PDE1C: variants seen among roughly 807,000 people sequenced by gnomAD.
PDE1C encodes the protein dual specificity calcium/calmodulin-dependent 3',5'-cyclic nucleotide phosphodiesterase 1C.
PDE1C carries 62 observed loss-of-function variants against 93.1 expected under a neutral mutation model. The ratio of observed to expected loss-of-function variants is 0.67; its 90% CI spans 0.54 to 0.82. The LOEUF (loss-of-function observed/expected upper bound fraction) is 0.82, where lower values mean the gene tolerates loss of function less well. Ranked by LOEUF, PDE1C falls within the 40% of genes least tolerant of loss-of-function variation. The pLI is 0.00. For missense variants in PDE1C, 742 were observed against 884.6 expected (o/e 0.84, Z 2.04); for synonymous variants, 325 against 310.1 (o/e 1.05, Z -0.50).
chr7:32,202,836 G>A (rs756050868), intron 2 of PDE1C, among the ~76,000 whole-genome samples: 10 of 152,030 alleles, frequency 6.6e-5, no homozygotes, highest in Admixed American at 6.5e-5. Context: ...GGTTTTTGTG[G>A]TATGAAAACT....
the PDE1C span, chr7:31,692,651 C>T: frequency 1.3e-6 from 1 of 765,636 alleles, no homozygotes; most frequent in Non-Finnish European, 2.2e-6. Context: ...CTTCTGGTGA[C>T]AGCCAACACC....
At chr7:31,982,282 C>T (rs1358286000) in intron 2 of PDE1C, among the ~76,000 whole-genome samples, 1 of 152,150 alleles carries the variant, frequency 6.6e-6, no homozygotes. Flanking sequence ...TTCTCTTTCT[C>T]AACAAGCACA....
chr7:31,962,793 C>A (rs73094600), intron 2 of PDE1C, among the ~76,000 whole-genome samples: 7,069 of 151,504 alleles, frequency 0.047, 215 homozygotes, highest in Non-Finnish European at 0.069. Context: ...ACATCTAAGG[C>A]CCCTCCATCT....
chr7:32,218,129 A>G (rs1806561676), intron 1 of PDE1C, among the ~76,000 whole-genome samples: 1 of 152,196 alleles, frequency 6.6e-6, no homozygotes, highest in Admixed American at 6.5e-5. Flanking sequence ...GCATCAAGTC[A>G]GAAGCCTGCT....
intron 7 of PDE1C, among the ~76,000 whole-genome samples, chr7:31,857,044 T>C (rs775486788): frequency 1.3e-5 from 2 of 152,118 alleles, no homozygotes; most frequent in Non-Finnish European, 2.9e-5. Context: ...CATAATGGAT[T>C]AGAGCCCATC....
At chr7:31,965,360 G>A (rs1455437355) in intron 2 of PDE1C, among the ~76,000 whole-genome samples, 4 of 152,202 alleles carry the variant, frequency 2.6e-5, no homozygotes, top group East Asian at 1.9e-4. Context: ...GGGTATCAGT[G>A]ATGGAAGACG....
At chr7:32,121,891 T>C (rs1799320287) in intron 3 of PDE1C, among the ~76,000 whole-genome samples, 1 of 152,176 alleles carries the variant, frequency 6.6e-6, no homozygotes. Flanking sequence ...TAAATATAAA[T>C]GGGCTAAATG....
At chr7:32,318,556 C>A (rs1783220387) in intron 1 of PDE1C, among the ~76,000 whole-genome samples, 1 of 152,166 alleles carries the variant, frequency 6.6e-6, no homozygotes, top group African/African-American at 2.4e-5. Flanking sequence ...GCCAGGGACC[C>A]AGAAGAAGTG....
the PDE1C span, among the ~76,000 whole-genome samples, chr7:31,627,644 A>G: frequency 7.0e-6 from 1 of 143,000 alleles, no homozygotes; most frequent in Middle Eastern, 3.6e-3. Context: ...TGAGCAACAG[A>G]GCAAGACACT....
intron 2 of PDE1C, among the ~76,000 whole-genome samples, chr7:32,005,910 A>G (rs1007075968): frequency 1.3e-5 from 2 of 152,074 alleles, no homozygotes; most frequent in African/African-American, 4.8e-5. Flanking sequence ...TTACAGACAC[A>G]CTTACATGTT....
intron 2 of PDE1C, among the ~76,000 whole-genome samples, chr7:31,972,489 T>A (rs1297702742): frequency 6.6e-6 from 1 of 152,204 alleles, no homozygotes; most frequent in Admixed American, 6.5e-5. Flanking sequence ...TTTGAGGTAA[T>A]TCTTATTGTC....
intron 14 of PDE1C, among the ~76,000 whole-genome samples, chr7:31,821,901 C>T (rs1251682553): frequency 6.6e-6 from 1 of 152,012 alleles, no homozygotes; most frequent in African/African-American, 2.4e-5. Context: ...ATGCTCTTAC[C>T]CACCGTCCCC....
At chr7:31,785,864 T>C (rs1783875382) in intron 16 of PDE1C, 1 of 152,188 alleles carries the variant, frequency 6.6e-6, no homozygotes, top group African/African-American at 2.4e-5. Flanking sequence ...AGGTAATATG[T>C]CTCTTGATAC....
chr7:32,208,692 C>G (rs915329287), intron 2 of PDE1C, among the ~76,000 whole-genome samples: 4 of 152,102 alleles, frequency 2.6e-5, no homozygotes, highest in African/African-American at 9.7e-5. Context: ...CCACTCCACC[C>G]TCATCCGTCT....
intron 2 of PDE1C, among the ~76,000 whole-genome samples, chr7:31,998,043 G>A (rs182052913): frequency 3.1e-4 from 45 of 146,400 alleles, no homozygotes; most frequent in African/African-American, 9.9e-4. Flanking sequence ...TTTTTGAGAC[G>A]GAGTCTCACT....
At chr7:32,023,677 T>C (rs1391311366) in intron 2 of PDE1C, among the ~76,000 whole-genome samples, 1 of 151,642 alleles carries the variant, frequency 6.6e-6, no homozygotes, top group Non-Finnish European at 1.5e-5. Flanking sequence ...ATACATGCCA[T>C]ATGATTCCAT....
the PDE1C span, among the ~76,000 whole-genome samples, chr7:31,649,377 G>A: frequency 2.0e-5 from 3 of 152,168 alleles, no homozygotes; most frequent in East Asian, 5.8e-4. Context: ...GAAGGAGGAA[G>A]AAGAGAAGCT....
chr7:31,915,536 T>C (rs1201585145), intron 2 of PDE1C, among the ~76,000 whole-genome samples: 1 of 152,212 alleles, frequency 6.6e-6, no homozygotes, highest in East Asian at 1.9e-4. Context: ...TAATGATATA[T>C]GCATGTACTT....
chr7:31,728,031 A>C, the PDE1C span, among the ~76,000 whole-genome samples: 1 of 152,184 alleles, frequency 6.6e-6, no homozygotes, highest in African/African-American at 2.4e-5. Context: ...GTGACAGAGC[A>C]AGACTCCTTC....
Sources: allele counts gnomAD v4.1 joint callset (sites outside exome capture counted in the v4.1 genomes callset), GRCh38; gene constraint gnomAD v4.1.1; transcripts MANE v1.5; gene names NCBI Gene and HGNC (gene_info 2026-07-23, HGNC 2026-07-21).